Variants in DHX29 observed in about 807,000 individuals in gnomAD.
DHX29 encodes the protein ATP-dependent RNA helicase DHX29.
A neutral mutation model predicts 167.9 loss-of-function variants in DHX29; 79 were observed. The ratio of observed to expected loss-of-function variants is 0.47; its 90% CI spans 0.39 to 0.57. DHX29 has a LOEUF of 0.57. Among genes scored for constraint, DHX29 ranks in the 20% least tolerant of loss-of-function variants. The pLI is 0.00. For missense variants in DHX29, 1,347 were observed against 1,593.4 expected, an observed-to-expected ratio of 0.85 and a Z score of 2.63; for synonymous variants, 530 against 546.0, an observed-to-expected ratio of 0.97 and a Z score of 0.41.
At chr5:55,295,222 A>G in intron 5 of DHX29, 157 bp downstream of exon 5, 2 of 623,886 alleles carry the variant, frequency 3.2e-6, no homozygotes, top group East Asian at 2.8e-5. Context: ...GGTTTGTTAT[A>G]TAACTAAAAC....
chr5:55,277,851 A>C (rs1039320891), intron 12 of DHX29, among the ~76,000 whole-genome samples: 2 of 149,554 alleles, frequency 1.3e-5, no homozygotes, highest in African/African-American at 4.9e-5. Flanking sequence ...GTTTGCAGTG[A>C]GCCAAGATCA....
intron 1 of DHX29, among the ~76,000 whole-genome samples, chr5:55,302,083 CA>C (rs1748633761): frequency 6.6e-6 from 1 of 152,148 alleles, no homozygotes; most frequent in Non-Finnish European, 1.5e-5. Context: ...AAGATAATAA[CA>C]AGTCTGGTAT....
chr5:55,267,744 T>C lies in DHX29; in HGVS notation c.3373A>G (p.Lys1125Glu), dbSNP rs754873065. ...GAATCCGCCATGGCCAAAGCTGATTTTGCAAGATCTGCTTCATCTTTTCGA... is the reference window on the plus strand; with the variant it reads ...GAATCCGCCATGGCCAAAGCTGATTCTGCAAGATCTGCTTCATCTTTTCGA... ...IGRKDEADLA[K>E]SALAMADSDH... The change falls in exon 22 of 27, where the codon AAA (lysine) becomes GAA (glutamate). Residue 1125 changes from lysine (K) to glutamate (E), a missense_variant. By Grantham distance (56) the Lys-to-Glu change is moderately conservative. Coordinates refer to ENST00000251636, the MANE Select transcript of DHX29 (RefSeq NM_019030.4). The C allele has an allele frequency of 2.5e-6, 4 of 1,610,084 alleles. No homozygotes were observed. The highest frequency in any genetic ancestry group is 1.7e-5 in the Admixed American group (1 of 59,786).
intron 6 of DHX29, 145 bp downstream of exon 6, chr5:55,293,872 G>T: frequency 2.8e-6 from 2 of 708,044 alleles, no homozygotes; most frequent in Non-Finnish European, 4.3e-6. Flanking sequence ...CTAAGTTTTT[G>T]CCTAAGTGTT....
At chr5:55,286,917 T>A (rs911210530) in intron 8 of DHX29, among the ~76,000 whole-genome samples, 1 of 152,184 alleles carries the variant, frequency 6.6e-6, no homozygotes, top group Admixed American at 6.5e-5. Flanking sequence ...CACCAACTTG[T>A]CACCAGGCTA....
Position 55,276,400 on chromosome 5 carries a change from G to A in DHX29, c.2293C>T (p.His765Tyr), listed in dbSNP as rs761740464. 26 of 1,587,006 alleles carry A rather than the reference G, an allele frequency of 1.6e-5. No individual in the cohort carries two copies. The Middle Eastern group carries it at 5.0e-4, about 31-fold the overall frequency. ...SGRSYPVEVFHLEDIIEETGF... is the reference protein window; with the variant it reads ...SGRSYPVEVFYLEDIIEETGF... ...GTTTCTTCTATTATATCTTCAAGAT[G>A]AAAAACCTGCATAGAATAAGGCATA... is the stretch of plus-strand genomic sequence containing the variant. The change falls in exon 14 of 27, where the codon CAT becomes TAT. Residue 765 changes from histidine to tyrosine, a missense_variant. Physicochemically the swap from His to Tyr is moderately conservative, Grantham distance 83 (BLOSUM62 2). Coordinates refer to ENST00000251636, the MANE Select transcript of DHX29 (RefSeq NM_019030.4).
intron 12 of DHX29, among the ~76,000 whole-genome samples, chr5:55,277,523 C>T (rs979364055): frequency 4.0e-5 from 6 of 148,252 alleles, no homozygotes; most frequent in Admixed American, 6.6e-5. Flanking sequence ...TTAGCCATGA[C>T]AGCATGACTC....
rs1579776239 is a variant in DHX29, at chr5:55,276,525, G to A, written c.2287-119C>T. The A allele has an allele frequency of 1.7e-5, 14 of 806,200 alleles. No individual in the cohort carries two copies. In the East Asian group the frequency reaches 1.8e-4, roughly 11 times the overall value. 49.9% of individuals were successfully genotyped at this position (806,200 alleles called of 1,614,324 possible). ...ACCAAATGTTAATTTAGAATATTAT[G>A]AAAAAAAATTTTTAGTATTATTTGG... On this transcript the variant is annotated intron_variant, in intron 13 of 26. Transcript: ENST00000251636.
At chr5:55,258,514 TTG>T (rs1746157147) in intron 26 of DHX29, among the ~76,000 whole-genome samples, 1 of 152,216 alleles carries the variant, frequency 6.6e-6, no homozygotes, top group African/African-American at 2.4e-5. Context: ...CTTGTATTCT[TTG>T]CAACTGCCAG....
intron 1 of DHX29, among the ~76,000 whole-genome samples, chr5:55,301,341 C>A (rs1748588377): frequency 6.6e-6 from 1 of 152,100 alleles, no homozygotes. Context: ...GAAAAGTTTT[C>A]ACTTCATGGA....
intron 11 of DHX29, among the ~76,000 whole-genome samples, chr5:55,281,788 T>G (rs1747431133): frequency 1.3e-5 from 2 of 150,844 alleles, no homozygotes; most frequent in African/African-American, 4.8e-5. Context: ...AGAAAAACTT[T>G]TTTTTTTTTT....
chr5:55,270,290 T>C lies in DHX29; in HGVS notation c.3069+122A>G, dbSNP rs577266026. 4.6e-6 allele frequency: 5 copies of C among 1,090,010 alleles called. No homozygotes were observed. In the African/African-American group the frequency reaches 6.4e-5, roughly 14 times the overall value. 67.5% of individuals were successfully genotyped at this position (1,090,010 alleles called of 1,614,324 possible). A position where few individuals can be genotyped will look rare whatever the true frequency, so the allele number is the denominator to read the frequency against. ...TTATAATAAGATGGATAAGGGCATA[T>C]ATTAAAGAAGAGTAAAAAAGTTGAA... On this transcript the variant is annotated intron_variant, in intron 20 of 26. Transcript: ENST00000251636.
At chr5:55,276,501 C>A in intron 13 of DHX29, 95 bp from the exon 14 acceptor site, 3 of 966,174 alleles carry the variant, frequency 3.1e-6, no homozygotes, top group South Asian at 1.7e-5. Flanking sequence ...TTGAATGTCA[C>A]CAAATGTTAA....
intron 21 of DHX29, among the ~76,000 whole-genome samples, chr5:55,268,586 G>A (rs879396459): frequency 1.8e-4 from 28 of 151,814 alleles, no homozygotes; most frequent in Admixed American, 5.3e-4. Context: ...CACCATGCCC[G>A]GCCAATTTTT....
chr5:55,285,767 G>C lies in DHX29; in HGVS notation c.1161C>G (p.Val387=). The C allele has an allele frequency of 6.2e-7, 1 of 1,605,490 alleles. No homozygotes were observed. The highest frequency in any genetic ancestry group is 1.3e-5 in the African/African-American group (1 of 74,908). Residue 387 remains valine, a synonymous_variant, in exon 9 of 27, where the codon GTC becomes GTG. Transcript: ENST00000251636. ...KSPKQFLIDW[V]RKNLPKSPNP... Reference sequence around the variant, plus strand: ...TTGGACTCTTGGGAAGATTCTTCCTGACCCAATCAATCAGAAATTGTTTGG... The same window carrying C: ...TTGGACTCTTGGGAAGATTCTTCCTCACCCAATCAATCAGAAATTGTTTGG...
At chr5:55,295,655 AAGAAT>A in intron 4 of DHX29, 131 bp from the exon 5 acceptor site, 1 of 842,842 alleles carries the variant, frequency 1.2e-6, no homozygotes, top group Non-Finnish European at 1.8e-6. Flanking sequence ...CTCATCTCCT[AAGAAT>A]AGAAATCTTA....
Position 55,294,116 on chromosome 5 carries a change from T to C in DHX29, c.681A>G (p.Val227=). The change falls in exon 6 of 27, where the codon GTA becomes GTG. Residue 227 remains valine, a synonymous_variant. Coordinates refer to ENST00000251636, the MANE Select transcript of DHX29 (RefSeq NM_019030.4). The part of the protein sequence containing the change: ...KPKKEEKNME[V]NMKEWILRYA... ...ATCGTAAAATCCACTCTTTCATATT[T>C]ACTTCCATATTTTTTTCTTCCTTTT... The C allele has an allele frequency of 6.3e-7, 1 of 1,597,306 alleles. No homozygotes were observed. The highest frequency in any genetic ancestry group is 8.5e-7 in the Non-Finnish European group (1 of 1,174,208).
chr5:55,298,853 AC>A (rs1300626412), intron 1 of DHX29, among the ~76,000 whole-genome samples, 189 bp from the exon 2 acceptor site: 1 of 148,642 alleles, frequency 6.7e-6, no homozygotes, highest in Non-Finnish European at 1.5e-5. Flanking sequence ...ACAAGGTGAA[AC>A]CCCGTCTCTA....
intron 1 of DHX29, 57 bp downstream of exon 1, chr5:55,307,330 C>T: frequency 6.7e-7 from 1 of 1,491,838 alleles, no homozygotes; most frequent in Non-Finnish European, 9.1e-7. Context: ...GCCCTTTCCT[C>T]AGGACAAGCA....
Sources: allele counts gnomAD v4.1 joint callset (sites outside exome capture counted in the v4.1 genomes callset), GRCh38; gene constraint gnomAD v4.1.1; transcripts MANE v1.5; gene names NCBI Gene and HGNC (gene_info 2026-07-23, HGNC 2026-07-21).